The following SUGCT variants were observed in gnomAD, a reference collection of about 807,000 sequenced individuals.
The protein encoded by SUGCT is succinyl-CoA:glutarate CoA-transferase.
In SUGCT, 41 loss-of-function variants were observed where a neutral mutation model predicts 55.0. That is an observed-to-expected ratio of 0.74 (90% CI 0.58 to 0.97). The LOEUF (loss-of-function observed/expected upper bound fraction) is 0.97. Among genes scored for constraint, SUGCT ranks in the 50% least tolerant of loss-of-function variants. SUGCT has a pLI of 0.00. For missense variants in SUGCT, 568 were observed against 547.8 expected, an observed-to-expected ratio of 1.04 and a Z score of -0.37; for synonymous variants, 187 against 200.4, an observed-to-expected ratio of 0.93 and a Z score of 0.56.
At chr7:40,573,539 A>G (rs1254290311) in intron 12 of SUGCT, among the ~76,000 whole-genome samples, 1 of 152,232 alleles carries the variant, frequency 6.6e-6, no homozygotes, top group Non-Finnish European at 1.5e-5. Flanking sequence ...ACATATAGAC[A>G]TAAGATTTAT....
chr7:40,930,272 T>G, the SUGCT span, among the ~76,000 whole-genome samples: 18 of 152,314 alleles, frequency 1.2e-4, no homozygotes, highest in Admixed American at 1.1e-3. Flanking sequence ...TCTGTTCCAT[T>G]GGTCTGTATA....
At chr7:40,377,088 ATG>A (rs58702486) in intron 9 of SUGCT, among the ~76,000 whole-genome samples, 32,871 of 50,882 alleles carry the variant, frequency 0.65, 11,023 homozygotes, top group Middle Eastern at 0.79. Flanking sequence ...ATCTGTGTTT[ATG>A]TCTTTTACCA....
intron 13 of SUGCT, among the ~76,000 whole-genome samples, chr7:40,826,985 TC>T (rs780845189): frequency 2.6e-5 from 4 of 152,172 alleles, no homozygotes; most frequent in African/African-American, 7.2e-5. Context: ...TTCTTTCACC[TC>T]CAAATCCACT....
intron 9 of SUGCT, among the ~76,000 whole-genome samples, chr7:40,319,388 A>G (rs1795606629): frequency 1.3e-5 from 2 of 152,134 alleles, no homozygotes; most frequent in Admixed American, 1.3e-4. Context: ...GATTGGGGGA[A>G]TATTTTTGTG....
At chr7:40,139,964 G>A (rs139366085) in intron 1 of SUGCT, among the ~76,000 whole-genome samples, 2,662 of 151,532 alleles carry the variant, frequency 0.018, 74 homozygotes, top group African/African-American at 0.062. Flanking sequence ...GTGCAATGGC[G>A]CGATCTCGGC....
Position 40,155,602 on chromosome 7 carries a change from G to A in SUGCT, c.100+20482G>A, listed in dbSNP as rs73312936. Among the ~76,000 whole-genome samples the A allele has an allele frequency of 4.7e-3, 715 of 152,286 alleles. 7 individuals carry two copies. Among genetic ancestry groups the A allele is most frequent in the African/African-American group, 0.016 (670 of 41,554 alleles). ...CAGTGGCTAGGGGCTATCTTCAAGT[G>A]ACATTGTATACAGAAGACATCATCA... On this transcript the variant is annotated intron_variant, in intron 1 of 13. Transcript: ENST00000335693.
intron 12 of SUGCT, among the ~76,000 whole-genome samples, chr7:40,501,382 AG>A (rs897428660): frequency 1.3e-4 from 20 of 152,294 alleles, no homozygotes; most frequent in Middle Eastern, 6.8e-3. Context: ...AATAGTGTAC[AG>A]TTTTATCTTG....
chr7:40,473,446 G>T (rs1790504516), intron 11 of SUGCT, among the ~76,000 whole-genome samples: 2 of 152,132 alleles, frequency 1.3e-5, no homozygotes, highest in South Asian at 4.1e-4. Flanking sequence ...ATTGCATTTA[G>T]TATACTCTCT....
At chr7:40,741,445 T>G (rs1294952265) in intron 12 of SUGCT, among the ~76,000 whole-genome samples, 1 of 152,144 alleles carries the variant, frequency 6.6e-6, no homozygotes, top group Non-Finnish European at 1.5e-5. Context: ...CATTTCACAG[T>G]GATCAGATTG....
chr7:40,727,496 G>A (rs1786670097), intron 12 of SUGCT, among the ~76,000 whole-genome samples: 1 of 152,076 alleles, frequency 6.6e-6, no homozygotes, highest in South Asian at 2.1e-4. Flanking sequence ...TTCATTTATT[G>A]ACAAATGGAA....
intron 13 of SUGCT, among the ~76,000 whole-genome samples, chr7:40,819,439 T>C (rs1053340589): frequency 6.6e-6 from 1 of 152,210 alleles, no homozygotes; most frequent in Non-Finnish European, 1.5e-5. Context: ...GATTTTTTAA[T>C]GATCGCCATT....
At chr7:40,618,616 T>C (rs75648964) in intron 12 of SUGCT, among the ~76,000 whole-genome samples, 2,959 of 152,336 alleles carry the variant, frequency 0.019, 41 homozygotes, top group Non-Finnish European at 0.031. Context: ...TTTCAAATAA[T>C]TTAGGGACTG....
chr7:40,565,118 C>T (rs987137568), intron 12 of SUGCT, among the ~76,000 whole-genome samples: 2 of 152,266 alleles, frequency 1.3e-5, no homozygotes, highest in South Asian at 2.1e-4. Flanking sequence ...CTTTAAGGAA[C>T]GTTGAAAAAT....
At chr7:41,021,577 T>C in the SUGCT span, among the ~76,000 whole-genome samples, 2 of 152,078 alleles carry the variant, frequency 1.3e-5, no homozygotes, top group Non-Finnish European at 2.9e-5. Flanking sequence ...CAAGTAATTA[T>C]TCATCATAAT....
chr7:40,799,061 G>C (rs551559511), intron 13 of SUGCT, among the ~76,000 whole-genome samples: 4 of 152,206 alleles, frequency 2.6e-5, no homozygotes, highest in Admixed American at 2.0e-4. Context: ...CAGCCCCCTT[G>C]AGCAAAGGAA....
intron 12 of SUGCT, among the ~76,000 whole-genome samples, chr7:40,594,280 C>G (rs897015448): frequency 2.0e-5 from 3 of 147,020 alleles, no homozygotes; most frequent in Admixed American, 6.9e-5. Context: ...ACATATGTAA[C>G]TAACCTGCAC....
At chr7:40,456,733 G>A (rs1446497678) in intron 10 of SUGCT, among the ~76,000 whole-genome samples, 2 of 152,088 alleles carry the variant, frequency 1.3e-5, no homozygotes, top group Non-Finnish European at 2.9e-5. Context: ...CCAACTAGAT[G>A]TCTGGTGGAA....
intron 9 of SUGCT, among the ~76,000 whole-genome samples, chr7:40,371,827 G>A (rs1033175433): frequency 3.3e-5 from 5 of 151,980 alleles, no homozygotes; most frequent in African/African-American, 1.2e-4. Flanking sequence ...AGGAAGAAGA[G>A]AATCTTCTGA....
At chr7:40,456,984 A>T (rs1051756636) in intron 10 of SUGCT, among the ~76,000 whole-genome samples, 1 of 152,016 alleles carries the variant, frequency 6.6e-6, no homozygotes, top group South Asian at 2.1e-4. Flanking sequence ...AAACACTTGC[A>T]GTTTTTATTA....
Sources: gnomAD v4.1 joint callset for allele counts (sites outside exome capture counted in the v4.1 genomes callset) on GRCh38, gnomAD v4.1.1 for gene constraint, MANE v1.5 for transcripts, NCBI Gene and HGNC (gene_info 2026-07-23, HGNC 2026-07-21) for gene names.